Variants in HHATL observed in about 807,000 individuals in gnomAD.
HHATL encodes the protein protein-cysteine N-palmitoyltransferase HHAT-like protein.
HHATL carries 49 observed loss-of-function variants against 59.7 expected under a neutral mutation model. That is an observed-to-expected ratio of 0.82 (90% CI 0.65 to 1.04). The LOEUF is 1.04. Among genes scored for constraint, HHATL ranks in the 50% least tolerant of loss-of-function variants. HHATL has a pLI of 0.00. For missense variants in HHATL, 605 were observed against 650.8 expected (o/e 0.93, Z 0.77); for synonymous variants, 238 against 257.3 (o/e 0.93, Z 0.72).
intron 9 of HHATL, 171 bp from the exon 10 acceptor site, chr3:42,693,989 T>C: frequency 1.6e-6 from 1 of 621,710 alleles, no homozygotes; most frequent in Non-Finnish European, 2.9e-6. Flanking sequence ...TGTGGCAGGC[T>C]CAGCCTGGGA....
intron 10 of HHATL, 56 bp downstream of exon 10, chr3:42,693,561 T>A (rs1258398986): frequency 6.9e-7 from 1 of 1,448,136 alleles, no homozygotes; most frequent in Non-Finnish European, 9.5e-7. Context: ...AAAGCAGCAG[T>A]GCCCCCCCGC....
rs1697803597 is a variant in HHATL at position 42,699,072 on chromosome 3, T to C, written c.248A>G (p.His83Arg). The C allele has an allele frequency of 6.2e-7, 1 of 1,614,120 alleles. No individual in the cohort carries two copies. The highest frequency in any genetic ancestry group is 8.5e-7 in the Non-Finnish European group (1 of 1,180,022). Residue 83 changes from histidine (H) to arginine (R), a missense_variant, in exon 4 of 12, where the codon CAT (histidine) becomes CGT (arginine). By Grantham distance (29) the His-to-Arg change is conservative. Coordinates refer to ENST00000441594, the MANE Select transcript of HHATL (RefSeq NM_020707.4). ...RNVIIFALSGHVLFAKLCTMV... is the reference protein window; with the variant it reads ...RNVIIFALSGRVLFAKLCTMV... ...CGTGCAGAGTTTAGCAAACAGCACATGTCCGGAGAGGGCAAAGATGATGAC... is the reference window on the plus strand; with the variant it reads ...CGTGCAGAGTTTAGCAAACAGCACACGTCCGGAGAGGGCAAAGATGATGAC...
intron 9 of HHATL, among the ~76,000 whole-genome samples, chr3:42,696,143 A>G (rs1027504028): frequency 2.6e-5 from 4 of 151,988 alleles, no homozygotes; most frequent in Non-Finnish European, 4.4e-5. Flanking sequence ...GTGGCATCTG[A>G]CCAAGCTGTC....
At chr3:42,696,630 C>G (rs1331295443) in intron 9 of HHATL, among the ~76,000 whole-genome samples, 1 of 152,170 alleles carries the variant, frequency 6.6e-6, no homozygotes, top group East Asian at 1.9e-4. Flanking sequence ...ACTGTGTGAC[C>G]CTCCTCCCAC....
Position 42,697,583 on chromosome 3 carries a change from A to G in HHATL, c.790T>C (p.Phe264Leu). ...GTGAGGATGTAGAAGAAGTGAAAGAAGATGTCGACGGCCATGATGGCCACC... is the reference window on the plus strand; with the variant it reads ...GTGAGGATGTAGAAGAAGTGAAAGAGGATGTCGACGGCCATGATGGCCACC... ...SVVAIMAVDI[F>L]FHFFYILTIP... Residue 264 changes from phenylalanine (F) to leucine (L), a missense_variant, in exon 7 of 12, where the codon TTC becomes CTC. By Grantham distance (22) the Phe-to-Leu change is conservative. Coordinates refer to ENST00000441594, the MANE Select transcript of HHATL (RefSeq NM_020707.4). 1 of 1,614,084 alleles carries G rather than the reference A, an allele frequency of 6.2e-7. No individual in the cohort carries two copies. The highest frequency in any genetic ancestry group is 8.5e-7 in the Non-Finnish European group (1 of 1,179,984).
chr3:42,696,936 G>A, intron 8 of HHATL, 59 bp from the exon 9 acceptor site: 1 of 1,614,034 alleles, frequency 6.2e-7, no homozygotes, highest in Admixed American at 1.7e-5. Flanking sequence ...CCAGGCATGG[G>A]GGAAGAGGCT....
At chr3:42,698,061 G>C in intron 6 of HHATL, 81 bp downstream of exon 6, 1 of 1,391,484 alleles carries the variant, frequency 7.2e-7, no homozygotes, top group South Asian at 1.2e-5. Flanking sequence ...GCCTGCTTGG[G>C]GAATTCTATC....
At chr3:42,696,387 C>T (rs339694) in intron 9 of HHATL, among the ~76,000 whole-genome samples, 91,231 of 151,864 alleles carry the variant, frequency 0.6, 27,491 homozygotes, top group East Asian at 0.69. Context: ...ACACTCAGGA[C>T]GCTCTGAGTT....
Position 42,699,116 on chromosome 3 carries a change from C to T in HHATL, c.204G>A (p.Trp68Ter). The change falls in exon 4 of 12, where the codon TGG becomes TGA. Residue 68 changes from tryptophan to a stop codon, truncating the protein, a stop_gained. Coordinates refer to ENST00000441594, the MANE Select transcript of HHATL (RefSeq NM_020707.4). LOFTEE classifies it high-confidence loss of function. ...TGATGACGTTGCGAAAGGAGGTGAA[C>T]CACATCACCCACTCGAAGTCAGCCA... The part of the protein sequence containing the change: ...MDVADFEWVM[W>*]FTSFRNVIIF... 1 of 1,613,966 alleles carries T rather than the reference C, an allele frequency of 6.2e-7. No individual in the cohort carries two copies. Among genetic ancestry groups the T allele is most frequent in the Non-Finnish European group, 8.5e-7 (1 of 1,179,928 alleles).
chr3:42,693,010 T>C (rs1697419226), intron 11 of HHATL, 67 bp downstream of exon 11: 3 of 1,601,402 alleles, frequency 1.9e-6, no homozygotes, highest in Middle Eastern at 1.7e-4. Flanking sequence ...AGGAGGCATT[T>C]TGGAAGGTCA....
Position 42,697,179 on chromosome 3 carries a change from A to G in HHATL, c.866-34T>C, listed in dbSNP as rs763823225. On this transcript the variant is annotated intron_variant, in intron 7 of 11. Transcript: ENST00000441594. ...AGGGCACTGTCACTGCCTGGGGTCC[A>G]ATCGCCTGGGGCCTGCCCCCATGAA... The G allele has an allele frequency of 3.3e-6, 5 of 1,506,600 alleles. No homozygotes were observed. In the Admixed American group the frequency reaches 1.2e-4, roughly 35 times the overall value. 93.3% of individuals were successfully genotyped at this position (1,506,600 alleles called of 1,614,324 possible).
chr3:42,702,252 C>A (rs990354478), intron 1 of HHATL, among the ~76,000 whole-genome samples: 1 of 152,200 alleles, frequency 6.6e-6, no homozygotes, highest in African/African-American at 2.4e-5. Context: ...AGCTTGAAAC[C>A]GGAGCATGGT....
rs146690323 is a variant in HHATL, at chr3:42,693,810, T to C, written c.1055A>G (p.Tyr352Cys). ...GINDWLCKYV[Y>C]NHIGGEHSAV... ...GGAATGCTCCCCACCAATGTGGTTA[T>C]ACACATATCTGCAGGAAAGATGGGA... Residue 352 changes from tyrosine (Y) to cysteine (C), a missense_variant, in exon 10 of 12, where the codon TAT becomes TGT. Tyr to Cys is a radical substitution (Grantham distance 194). Coordinates refer to ENST00000441594, the MANE Select transcript of HHATL (RefSeq NM_020707.4). The C allele has an allele frequency of 1.2e-6, 2 of 1,613,526 alleles. No individual in the cohort carries two copies. The highest frequency in any genetic ancestry group is 1.7e-6 in the Non-Finnish European group (2 of 1,179,824).
At chr3:42,700,174 G>GTA (rs1697882317) in intron 2 of HHATL, among the ~76,000 whole-genome samples, 1 of 149,404 alleles carries the variant, frequency 6.7e-6, no homozygotes, top group African/African-American at 2.5e-5. Flanking sequence ...CTGTGTGTGT[G>GTA]TGTGTGTGTG....
At position 42,698,948 on chromosome 3, in the gene HHATL, G is replaced by A. The variant is rs372107414; in HGVS notation, c.289-46C>T. 4.0e-5 allele frequency: 64 copies of A among 1,604,500 alleles called. 1 individual carries two copies. The highest frequency in any genetic ancestry group is 2.9e-4 in the African/African-American group (22 of 74,746). ...TCAGTTTCGCCATATAAATGGGGGCGTGACCCCAGGAGGGGGTTCCCACAA... is the reference window on the plus strand; with the variant it reads ...TCAGTTTCGCCATATAAATGGGGGCATGACCCCAGGAGGGGGTTCCCACAA... On this transcript the variant is annotated intron_variant, in intron 4 of 11. Coordinates refer to ENST00000441594, the MANE Select transcript of HHATL (RefSeq NM_020707.4).
At chr3:42,693,243 C>T (rs758799639) in intron 10 of HHATL, 25 bp from the exon 11 acceptor site, 1 of 1,611,546 alleles carries the variant, frequency 6.2e-7, no homozygotes, top group East Asian at 2.2e-5. Context: ...AAAGCATGGG[C>T]AGCGGGACAA....
chr3:42,693,520 G>A (rs1338181974), intron 10 of HHATL, 97 bp downstream of exon 10: 1 of 1,082,282 alleles, frequency 9.2e-7, no homozygotes, highest in African/African-American at 1.6e-5. Context: ...GAAAGTTCTG[G>A]ATTAGGGGCC....
At position 42,698,688 on chromosome 3, in the gene HHATL, AC is replaced by A. The variant is rs1438607150; in HGVS notation, c.483+19del. 3 of 1,536,614 alleles carry A rather than the reference AC, an allele frequency of 2.0e-6. No individual in the cohort carries two copies. In the African/African-American group the frequency reaches 4.2e-5, roughly 21 times the overall value. On this transcript the variant is annotated intron_variant, in intron 5 of 11. Transcript: ENST00000441594. ...TTGGGATCTTATCCCTACACCCTCT[AC>A]CCCTGCACCAGTTCACACCTGCCAA...
chr3:42,700,742 C>G lies in HHATL; in HGVS notation c.85G>C (p.Gly29Arg). The stretch of plus-strand genomic sequence containing the variant: ...TTACCTTGTGAAGCCTCAAGGAGGC[C>G]CCGGCCAGCATAGGCCAGGGCCCCA... ...LSGALAYAGR[G>R]LLEASQDGAH... Residue 29 changes from glycine to arginine, a missense_variant, in exon 2 of 12, where the codon GGC (glycine) becomes CGC (arginine). Coordinates refer to ENST00000441594, the MANE Select transcript of HHATL (RefSeq NM_020707.4). The G allele has an allele frequency of 6.2e-7, 1 of 1,613,498 alleles. No individual in the cohort carries two copies.
Sources: allele counts gnomAD v4.1 joint callset (sites outside exome capture counted in the v4.1 genomes callset), GRCh38; gene constraint gnomAD v4.1.1; transcripts MANE v1.5; gene names NCBI Gene and HGNC (gene_info 2026-07-23, HGNC 2026-07-21).